BRF1: variants seen among roughly 807,000 people sequenced by gnomAD.
BRF1 encodes BRF1 general transcription factor IIIB subunit, also known as transcription factor IIIB 90 kDa subunit.
In BRF1, 59 loss-of-function variants were observed where a neutral mutation model predicts 81.7. The observed-to-expected ratio is 0.72, with a 90% CI of 0.59 to 0.90. The LOEUF (loss-of-function observed/expected upper bound fraction) is 0.90. Ranked by LOEUF, BRF1 falls within the 40% of genes least tolerant of loss-of-function variation. The pLI, the probability that BRF1 is intolerant of heterozygous loss-of-function variation, is 0.00. For missense variants in BRF1, 1,050 were observed against 936.3 expected (o/e 1.12, Z -1.58); for synonymous variants, 491 against 395.6 (o/e 1.24, Z -2.86).
At chr14:105,267,743 G>A (rs1016559794) in intron 3 of BRF1, among the ~76,000 whole-genome samples, 2 of 152,242 alleles carry the variant, frequency 1.3e-5, no homozygotes, top group Non-Finnish European at 2.9e-5. Flanking sequence ...CAGAGGGAGA[G>A]GAGCAGGAAC....
chr14:105,286,253 T>C (rs1454638534), intron 2 of BRF1, 43 bp downstream of exon 2: 4 of 1,578,360 alleles, frequency 2.5e-6, no homozygotes, highest in Non-Finnish European at 1.7e-6. Context: ...TCCCCATCTC[T>C]GGGACCCGCC....
chr14:105,271,813 AGCTGCACACC>A lies in BRF1; in HGVS notation c.439+898_439+907del, dbSNP rs1689453489. Among the ~76,000 whole-genome samples the A allele has an allele frequency of 6.6e-6, 1 of 152,124 alleles. No homozygotes were observed. The highest frequency in any genetic ancestry group is 1.5e-5 in the Non-Finnish European group (1 of 67,976). On this transcript the variant is annotated intron_variant, in intron 3 of 17. Transcript: ENST00000547530. This position sits in a 1 kb window ranked among gnomAD's most constrained non-coding sequence, Gnocchi z 5.5. The stretch of plus-strand genomic sequence containing the variant: ...GACACTGGATCTCCACGCAAGGCCA[AGCTGCACACC>A]GCTGAGGGTCGGCAGCCTCCCCGCC...
At chr14:105,249,675 A>C (rs1223190845) in intron 5 of BRF1, 1 of 1,613,098 alleles carries the variant, frequency 6.2e-7, no homozygotes, top group Non-Finnish European at 8.5e-7. Context: ...CTGGAAGCCG[A>C]CACGGTGCTG....
chr14:105,248,934 G>T, intron 5 of BRF1: 1 of 984,820 alleles, frequency 1.0e-6, no homozygotes, highest in Non-Finnish European at 1.2e-6. Context: ...CAGCAACGCC[G>T]GCGCCGCCGT....
At chr14:105,261,668 C>A (rs587647143) in intron 3 of BRF1, among the ~76,000 whole-genome samples, 86 of 152,348 alleles carry the variant, frequency 5.6e-4, no homozygotes, top group African/African-American at 2.0e-3. Context: ...TTACTGGATA[C>A]CCAAAGAGAG....
intron 1 of BRF1, among the ~76,000 whole-genome samples, chr14:105,289,792 C>T (rs909810309): frequency 6.6e-6 from 1 of 152,166 alleles, no homozygotes; most frequent in Non-Finnish European, 1.5e-5. Context: ...CGTGCCACCA[C>T]GCCCAGCTGA....
In BRF1 at chr14:105,217,606, C is replaced by G; in HGVS notation, c.1710G>C (p.Leu570=). ...QPEHSASARK[L]SRRRTPASRS... is the part of the protein sequence containing the mutation. Reference sequence around the variant, plus strand: ...TGCTGGCCGGCGTCCTCCTTCGTGACAGCTTCCTGGCACTGGCGCTATGCT... The same window carrying G: ...TGCTGGCCGGCGTCCTCCTTCGTGAGAGCTTCCTGGCACTGGCGCTATGCT... Residue 570 remains leucine, a synonymous_variant, in exon 15 of 18, where the codon CTG becomes CTC. Transcript: ENST00000547530. 1 of 1,613,468 alleles carries G rather than the reference C, an allele frequency of 6.2e-7. No individual in the cohort carries two copies. Among genetic ancestry groups the G allele is most frequent in the East Asian group, 2.2e-5 (1 of 44,884 alleles).
intron 5 of BRF1, among the ~76,000 whole-genome samples, chr14:105,242,807 A>G (rs2054788370): frequency 6.6e-6 from 1 of 151,846 alleles, no homozygotes. Context: ...AAGTCTATAC[A>G]AAAGTTTTTG....
chr14:105,245,580 C>T (rs1311674353), intron 5 of BRF1, among the ~76,000 whole-genome samples: 2 of 151,874 alleles, frequency 1.3e-5, no homozygotes, highest in East Asian at 3.9e-4. Flanking sequence ...CAGAACAGGA[C>T]AGGACAGGAC....
Position 105,217,530 on chromosome 14 carries a change from G to A in BRF1, c.1772+14C>T. ...GCTGCTGCCCTAACCCAGCCACTCA[G>A]GACAGGATGGTACCTTTTCCCCACA... On this transcript the variant is annotated intron_variant, in intron 15 of 17. Transcript: ENST00000547530. The A allele has an allele frequency of 6.2e-7, 1 of 1,610,728 alleles. No individual in the cohort carries two copies. Among genetic ancestry groups the A allele is most frequent in the Admixed American group, 1.7e-5 (1 of 59,986 alleles).
chr14:105,288,856 G>C (rs2057413383), intron 1 of BRF1, among the ~76,000 whole-genome samples: 1 of 151,464 alleles, frequency 6.6e-6, no homozygotes, highest in East Asian at 2.0e-4. Flanking sequence ...GATGGGGGGA[G>C]ACCCATTTCT....
At chr14:105,270,340 A>AT (rs1303473235) in intron 3 of BRF1, among the ~76,000 whole-genome samples, 1 of 151,478 alleles carries the variant, frequency 6.6e-6, no homozygotes, top group African/African-American at 2.4e-5. Context: ...CGCCCGGCTA[A>AT]TTTTTTTTGT....
chr14:105,248,526 C>T, intron 5 of BRF1: 2 of 964,210 alleles, frequency 2.1e-6, no homozygotes, highest in Non-Finnish European at 2.4e-6. Flanking sequence ...CGGGGCGCGG[C>T]CCTGACGCAG....
At chr14:105,303,199 G>C (rs1444417950), upstream of BRF1, among the ~76,000 whole-genome samples, 1 of 152,132 alleles carries the variant, frequency 6.6e-6, no homozygotes, top group African/African-American at 2.4e-5. Flanking sequence ...AAAGTGTTGA[G>C]ATTCTACACG....
At chr14:105,245,529 G>C (rs1349066299) in intron 5 of BRF1, among the ~76,000 whole-genome samples, 1 of 152,130 alleles carries the variant, frequency 6.6e-6, no homozygotes, top group Non-Finnish European at 1.5e-5. Flanking sequence ...CCAACAGCCA[G>C]TATGGTGCTG....
In BRF1 at chr14:105,209,474, G is replaced by T. The variant is rs1889836305; in HGVS notation, c.*1077C>A. On this transcript the variant is annotated 3_prime_UTR_variant, in exon 18 of 18. Coordinates refer to ENST00000547530, the MANE Select transcript of BRF1 (RefSeq NM_001519.4). ...CATGGGGAGGATGAGGCCCCTGGGG[G>T]TCAGTGAGGCACGGCTCTGCCTCAA... The T allele has an allele frequency of 1.4e-6, 1 of 700,458 alleles. No individual in the cohort carries two copies. Among genetic ancestry groups the T allele is most frequent in the East Asian group, 2.7e-5 (1 of 37,210 alleles). The allele number at this position is 700,458 out of a possible 1,614,324, so 43.4% of individuals were successfully genotyped here. A position where few individuals can be genotyped will look rare whatever the true frequency, so the allele number is the denominator to read the frequency against.
At chr14:105,306,640 G>A (rs1314504107) in intron 1 of BRF1, among the ~76,000 whole-genome samples, 2 of 147,368 alleles carry the variant, frequency 1.4e-5, no homozygotes, top group Non-Finnish European at 3.0e-5. Flanking sequence ...GAGTCTCGCT[G>A]TGTCGCCCAG....
intron 5 of BRF1, chr14:105,249,104 G>T (rs769049531): frequency 3.6e-5 from 53 of 1,491,910 alleles, no homozygotes; most frequent in Non-Finnish European, 4.4e-5. Flanking sequence ...GTGCCCCGCG[G>T]CCCCCGCGCC....
intron 14 of BRF1, among the ~76,000 whole-genome samples, chr14:105,218,218 C>T (rs1175851758): frequency 9.9e-5 from 15 of 152,210 alleles, no homozygotes; most frequent in Non-Finnish European, 1.9e-4. Context: ...CCGCTGCCCA[C>T]GTCAAAGGCC....
Sources: allele counts gnomAD v4.1 joint callset (sites outside exome capture counted in the v4.1 genomes callset), GRCh38; gene constraint gnomAD v4.1.1; non-coding constraint Gnocchi (gnomAD v3.1); transcripts MANE v1.5; gene names NCBI Gene and HGNC (gene_info 2026-07-23, HGNC 2026-07-21).